CSTPP1: variants seen among roughly 807,000 people sequenced by gnomAD.
CSTPP1 encodes the protein centriolar satellite-associated tubulin polyglutamylase complex regulator 1.
chr11:47,138,979 C>CAAAAAA, the CSTPP1 span, among the ~76,000 whole-genome samples: 347 of 40,902 alleles, frequency 8.5e-3, 59 homozygotes, highest in Middle Eastern at 0.029. Context: ...GACTCCGTCT[C>CAAAAAA]AAAAAAAAAA....
At chr11:47,119,179 C>T in the CSTPP1 span, among the ~76,000 whole-genome samples, 5 of 152,258 alleles carry the variant, frequency 3.3e-5, no homozygotes, top group Non-Finnish European at 7.3e-5. Flanking sequence ...GCCCCTCCCC[C>T]AGCCAGGCTG....
the CSTPP1 span, chr11:47,052,451 C>A: frequency 6.2e-7 from 1 of 1,614,066 alleles, no homozygotes; most frequent in Admixed American, 1.7e-5. Flanking sequence ...TCCAAGCCAC[C>A]CCCCACAATA....
chr11:46,984,646 C>T, the CSTPP1 span, among the ~76,000 whole-genome samples: 6 of 150,872 alleles, frequency 4.0e-5, no homozygotes, highest in African/African-American at 1.5e-4. Flanking sequence ...ATATTTATCC[C>T]GTAAAAAGCT....
the CSTPP1 span, among the ~76,000 whole-genome samples, chr11:47,139,727 C>A: frequency 6.6e-6 from 1 of 151,232 alleles, no homozygotes; most frequent in African/African-American, 2.4e-5. Flanking sequence ...GGGAAGGGTA[C>A]TGTTACTGCT....
At chr11:46,936,765 A>G in the CSTPP1 span, 1 of 1,607,946 alleles carries the variant, frequency 6.2e-7, no homozygotes, top group Non-Finnish European at 8.5e-7. Flanking sequence ...TGGGTTCCGG[A>G]AGCCGGAGAG....
chr11:46,958,713 C>A, the CSTPP1 span, among the ~76,000 whole-genome samples: 3 of 151,290 alleles, frequency 2.0e-5, no homozygotes, highest in African/African-American at 7.3e-5. Context: ...AGGTAGAGAA[C>A]CAGGAAAGCC....
the CSTPP1 span, among the ~76,000 whole-genome samples, chr11:47,094,741 C>G: frequency 6.6e-6 from 1 of 152,160 alleles, no homozygotes; most frequent in Admixed American, 6.5e-5. Flanking sequence ...TGGCTGCTGC[C>G]ATATTAGTGC....
the CSTPP1 span, among the ~76,000 whole-genome samples, chr11:47,003,028 AG>A: frequency 6.6e-6 from 1 of 152,196 alleles, no homozygotes; most frequent in Non-Finnish European, 1.5e-5. Flanking sequence ...TTAAGAAACT[AG>A]GCCAGATTAT....
At chr11:46,955,717 C>A in the CSTPP1 span, among the ~76,000 whole-genome samples, 1 of 151,062 alleles carries the variant, frequency 6.6e-6, no homozygotes, top group Non-Finnish European at 1.5e-5. Context: ...GTCGGCCTAG[C>A]GTGGTGGCTC....
chr11:47,108,705 T>TC, the CSTPP1 span, among the ~76,000 whole-genome samples: 1 of 660 alleles, frequency 1.5e-3, no homozygotes, highest in Non-Finnish European at 5.4e-3. Context: ...TACTATCTAC[T>TC]TTTTTTTTTT....
At chr11:47,037,977 G>A in the CSTPP1 span, among the ~76,000 whole-genome samples, 309 of 108,700 alleles carry the variant, frequency 2.8e-3, 12 homozygotes, top group African/African-American at 8.2e-3. Context: ...GCAGAGGGCT[G>A]ACCCCCCCCA....
At chr11:47,040,060 T>A in the CSTPP1 span, among the ~76,000 whole-genome samples, 3 of 128,836 alleles carry the variant, frequency 2.3e-5, 1 homozygote, top group Non-Finnish European at 5.5e-5. Flanking sequence ...GCTAACTTTA[T>A]AGTGGCAAAA....
chr11:46,972,716 C>T, the CSTPP1 span, among the ~76,000 whole-genome samples: 3 of 152,106 alleles, frequency 2.0e-5, no homozygotes, highest in Admixed American at 1.3e-4. Context: ...GAGAAGGAGA[C>T]GGAGCTGTCA....
chr11:47,161,565 C>T, the CSTPP1 span: 2 of 1,614,136 alleles, frequency 1.2e-6, no homozygotes, highest in Non-Finnish European at 1.7e-6. Context: ...CCCTGGAGAC[C>T]TCTCCATCAT....
At chr11:47,137,918 C>T in the CSTPP1 span, 1 of 631,560 alleles carries the variant, frequency 1.6e-6, no homozygotes, top group South Asian at 2.0e-5. Context: ...CGAAATGATC[C>T]TTTGTGGTTT....
At chr11:47,068,195 A>G in the CSTPP1 span, among the ~76,000 whole-genome samples, 1 of 152,302 alleles carries the variant, frequency 6.6e-6, no homozygotes, top group African/African-American at 2.4e-5. Context: ...ATGTTATCCA[A>G]TGTAATATTT....
the CSTPP1 span, among the ~76,000 whole-genome samples, chr11:47,122,427 G>C: frequency 6.6e-6 from 1 of 152,020 alleles, no homozygotes; most frequent in Admixed American, 6.6e-5. Flanking sequence ...CATGGAAACA[G>C]GTTTCTGAAG....
At chr11:46,996,870 T>G in the CSTPP1 span, among the ~76,000 whole-genome samples, 1 of 152,246 alleles carries the variant, frequency 6.6e-6, no homozygotes, top group Admixed American at 6.5e-5. Flanking sequence ...TTTAAGAATG[T>G]TGAATATTGG....
chr11:47,004,134 T>TTTG, the CSTPP1 span, among the ~76,000 whole-genome samples: 418 of 152,000 alleles, frequency 2.7e-3, 1 homozygote, highest in South Asian at 8.9e-3. Flanking sequence ...TCTTTTGTTT[T>TTTG]TTGTTGTTGT....
Sources: gnomAD v4.1 joint callset for allele counts (sites outside exome capture counted in the v4.1 genomes callset) on GRCh38, gnomAD v4.1.1 for gene constraint, MANE v1.5 for transcripts, NCBI Gene and HGNC (gene_info 2026-07-23, HGNC 2026-07-21) for gene names.